Variants in PPDPFL observed in about 807,000 individuals in gnomAD.
PPDPFL encodes pancreatic progenitor cell differentiation and proliferation factor-like protein.
PPDPFL carries 12 observed loss-of-function variants against 12.6 expected under a neutral mutation model. The ratio of observed to expected loss-of-function variants is 0.95; its 90% confidence interval spans 0.61 to 1.54. The LOEUF is 1.54. Ranked by LOEUF, PPDPFL falls within the 40% of genes most tolerant of loss-of-function variation. The probability of loss-of-function intolerance (pLI) is 0.00; values close to 1 mark genes in which losing one functional copy is unlikely to be tolerated. For synonymous variants in PPDPFL, 24 were observed against 32.7 expected, an observed-to-expected ratio of 0.73 and a Z score of 0.91; for missense variants, 114 against 96.0, an observed-to-expected ratio of 1.19 and a Z score of -0.78.
At chr8:49,054,563 A>G (rs985805659) in intron 1 of PPDPFL, among the ~76,000 whole-genome samples, 6 of 152,220 alleles carry the variant, frequency 3.9e-5, no homozygotes, top group African/African-American at 1.4e-4. Context: ...TCAAAGTTGT[A>G]TGTGGATTTT....
intron 1 of PPDPFL, among the ~76,000 whole-genome samples, chr8:49,056,575 A>C (rs562372287): frequency 6.6e-6 from 1 of 152,222 alleles, no homozygotes. Flanking sequence ...ACATACACAA[A>C]AAGTCTTTGA....
At chr8:49,065,748 T>A (rs2129244661) in intron 1 of PPDPFL, among the ~76,000 whole-genome samples, 1 of 152,310 alleles carries the variant, frequency 6.6e-6, no homozygotes, top group African/African-American at 2.4e-5. Flanking sequence ...GCAAAAGATT[T>A]GTGTTAGGAT....
Position 49,075,277 on chromosome 8 carries a change from C to T in PPDPFL, c.*104C>T. ...GACAATCAAGATCCTCTGCCTGCTG[C>T]AGTGGTCCATACATGAACAGCTCCC... On this transcript the variant is annotated 3_prime_UTR_variant, in exon 5 of 5. Coordinates refer to ENST00000522267, the MANE Select transcript of PPDPFL (RefSeq NM_001256597.2). 6.2e-7 allele frequency: 1 copy of T among 1,613,594 alleles called. No individual in the cohort carries two copies. Among genetic ancestry groups the T allele is most frequent in the Non-Finnish European group, 8.5e-7 (1 of 1,179,524 alleles).
At chr8:49,062,388 G>A (rs1184400438) in intron 1 of PPDPFL, among the ~76,000 whole-genome samples, 4 of 152,194 alleles carry the variant, frequency 2.6e-5, no homozygotes, top group African/African-American at 9.7e-5. Flanking sequence ...ACAGAAGGTG[G>A]TTGAAGAAAG....
intron 1 of PPDPFL, among the ~76,000 whole-genome samples, chr8:49,057,981 TA>T (rs1563297136): frequency 6.6e-6 from 1 of 152,162 alleles, no homozygotes; most frequent in Admixed American, 6.6e-5. Flanking sequence ...ACTATTATTA[TA>T]AGAAAAAATA....
At chr8:49,068,743 A>G (rs918206645), upstream of PPDPFL, among the ~76,000 whole-genome samples, 1 of 152,192 alleles carries the variant, frequency 6.6e-6, no homozygotes, top group African/African-American at 2.4e-5. Context: ...GTACTCACTC[A>G]AAATGCAGTA....
chr8:49,061,021 G>A (rs1808191735), intron 1 of PPDPFL, among the ~76,000 whole-genome samples: 1 of 152,028 alleles, frequency 6.6e-6, no homozygotes, highest in Admixed American at 6.6e-5. Context: ...AACTCTCCTA[G>A]CAGTAGGGCT....
chr8:49,068,520 A>G (rs1328722790), upstream of PPDPFL, among the ~76,000 whole-genome samples: 1 of 152,234 alleles, frequency 6.6e-6, no homozygotes, highest in African/African-American at 2.4e-5. Flanking sequence ...GAGGGTTTCA[A>G]CCAAGACTTC....
upstream of PPDPFL, among the ~76,000 whole-genome samples, chr8:49,071,630 T>C (rs1485069346): frequency 1.3e-5 from 2 of 151,312 alleles, no homozygotes; most frequent in African/African-American, 4.9e-5. Context: ...CACTCCAGCC[T>C]GGGCGACAGA....
At chr8:49,058,430 C>T (rs1180505090) in intron 1 of PPDPFL, among the ~76,000 whole-genome samples, 3 of 152,126 alleles carry the variant, frequency 2.0e-5, no homozygotes, top group African/African-American at 7.2e-5. Context: ...AAGCGGGAAA[C>T]TGAATCAATG....
At chr8:49,064,555 T>G (rs561126519) in intron 1 of PPDPFL, among the ~76,000 whole-genome samples, 1 of 151,936 alleles carries the variant, frequency 6.6e-6, no homozygotes, top group African/African-American at 2.4e-5. Flanking sequence ...GCCGCCCAGG[T>G]TCCCCCCCAG....
chr8:49,061,574 G>T (rs1808204939), intron 1 of PPDPFL, among the ~76,000 whole-genome samples: 1 of 152,190 alleles, frequency 6.6e-6, no homozygotes, highest in Admixed American at 6.5e-5. Flanking sequence ...GTTTGAGAGG[G>T]TCTGGGGAAA....
upstream of PPDPFL, among the ~76,000 whole-genome samples, chr8:49,070,646 G>C (rs1036874566): frequency 6.6e-6 from 1 of 152,184 alleles, no homozygotes; most frequent in African/African-American, 2.4e-5. Flanking sequence ...TTAAAGCAGA[G>C]AGGGAGAAGA....
intron 1 of PPDPFL, among the ~76,000 whole-genome samples, chr8:49,063,028 G>A (rs1808238523): frequency 6.6e-6 from 1 of 152,114 alleles, no homozygotes; most frequent in South Asian, 2.1e-4. Context: ...CATGCACTGT[G>A]GAATTGAAGT....
intron 1 of PPDPFL, among the ~76,000 whole-genome samples, chr8:49,058,952 T>C (rs1464508347): frequency 6.6e-6 from 1 of 152,210 alleles, no homozygotes; most frequent in Admixed American, 6.5e-5. Context: ...CAGGGATATA[T>C]GCATCCCCAC....
rs952171142 is a variant in PPDPFL at position 49,075,354 on chromosome 8, A to C, written c.*181A>C. The C allele has an allele frequency of 1.6e-6, 2 of 1,221,366 alleles. No individual in the cohort carries two copies. Among genetic ancestry groups the C allele is most frequent in the East Asian group, 4.6e-5 (2 of 43,080 alleles). The allele number at this position is 1,221,366 out of a possible 1,614,324, so 75.7% of individuals were successfully genotyped here. Reference sequence around the variant, plus strand: ...TCTTCTCCATTGTAAGAAGACAGAAATGTGTCTGAGATCTCATTTATGAGA... The same window carrying C: ...TCTTCTCCATTGTAAGAAGACAGAACTGTGTCTGAGATCTCATTTATGAGA... On this transcript the variant is annotated 3_prime_UTR_variant, in exon 5 of 5. Coordinates refer to ENST00000522267, the MANE Select transcript of PPDPFL (RefSeq NM_001256597.2).
chr8:49,058,363 T>A (rs1303341000), intron 1 of PPDPFL, among the ~76,000 whole-genome samples: 1 of 152,220 alleles, frequency 6.6e-6, no homozygotes, highest in Non-Finnish European at 1.5e-5. Context: ...GCATTCTGCT[T>A]CTACTGGAGG....
intron 1 of PPDPFL, among the ~76,000 whole-genome samples, chr8:49,065,334 T>G (rs1166482254): frequency 2.0e-5 from 3 of 152,180 alleles, no homozygotes; most frequent in Admixed American, 1.3e-4. Flanking sequence ...AGCTGCTCTG[T>G]GGCTTTCTAG....
intron 1 of PPDPFL, among the ~76,000 whole-genome samples, chr8:49,060,110 T>A (rs965248421): frequency 7.9e-5 from 12 of 152,226 alleles, no homozygotes; most frequent in African/African-American, 2.4e-4. Flanking sequence ...AAGAGTACAG[T>A]AAAATAAATA....
Sources: allele counts gnomAD v4.1 joint callset (sites outside exome capture counted in the v4.1 genomes callset), GRCh38; gene constraint gnomAD v4.1.1; transcripts MANE v1.5; gene names NCBI Gene and HGNC (gene_info 2026-07-23, HGNC 2026-07-21).